DUSP22: variants seen among roughly 807,000 people sequenced by gnomAD.
The protein encoded by DUSP22 is dual specificity phosphatase 22.
DUSP22 carries 24 observed loss-of-function variants against 24.5 expected under a neutral mutation model. The observed-to-expected ratio is 0.98, with a 90% CI of 0.71 to 1.38. DUSP22 has a LOEUF of 1.38. Ranked by LOEUF, DUSP22 falls within the 40% of genes most tolerant of loss-of-function variation. The probability of loss-of-function intolerance (pLI) is 0.00; values close to 1 mark genes in which losing one functional copy is unlikely to be tolerated. For missense variants in DUSP22, 330 were observed against 269.2 expected (o/e 1.23, Z -1.58); for synonymous variants, 160 against 106.4 (o/e 1.50, Z -3.10).
intron 4 of DUSP22, chr6:337,141 A>T (rs1038722918): frequency 1.3e-5 from 2 of 152,590 alleles, no homozygotes; most frequent in African/African-American, 4.8e-5. Flanking sequence ...CTTGTCTGTG[A>T]CAGTGACCTG....
intron 4 of DUSP22, among the ~76,000 whole-genome samples, chr6:344,047 C>A (rs528676475): frequency 6.6e-6 from 1 of 152,424 alleles, no homozygotes; most frequent in East Asian, 1.9e-4. Flanking sequence ...ACCCACAAAC[C>A]AGTCCAGAAT....
chr6:307,555 G>A (rs1488149601), intron 2 of DUSP22, among the ~76,000 whole-genome samples: 2 of 152,312 alleles, frequency 1.3e-5, no homozygotes, highest in African/African-American at 4.8e-5. Context: ...GCTCCAGGAT[G>A]CAGCAGGCAG....
At chr6:295,402 T>G (rs577541153) in intron 1 of DUSP22, among the ~76,000 whole-genome samples, 1 of 152,408 alleles carries the variant, frequency 6.6e-6, no homozygotes, top group East Asian at 1.9e-4. Flanking sequence ...TGTGCCCGTT[T>G]CCGTTAGGTG....
intron 3 of DUSP22, among the ~76,000 whole-genome samples, chr6:316,537 A>G (rs534179720): frequency 6.6e-6 from 1 of 152,424 alleles, no homozygotes; most frequent in South Asian, 2.1e-4. Flanking sequence ...GGGCTGGTGA[A>G]AACTCCTATT....
chr6:300,475 A>G (rs530886065), intron 1 of DUSP22, among the ~76,000 whole-genome samples: 31 of 152,416 alleles, frequency 2.0e-4, no homozygotes, highest in African/African-American at 7.2e-4. Flanking sequence ...TAGGGAGCTC[A>G]CTAGGAAGCT....
At chr6:307,114 G>T (rs1011551829) in intron 2 of DUSP22, among the ~76,000 whole-genome samples, 1 of 152,298 alleles carries the variant, frequency 6.6e-6, no homozygotes, top group Non-Finnish European at 1.5e-5. Context: ...TTTCCTGGGC[G>T]GTGAATCCAG....
chr6:321,354 C>T (rs1758580011), intron 3 of DUSP22, among the ~76,000 whole-genome samples: 1 of 152,300 alleles, frequency 6.6e-6, no homozygotes, highest in African/African-American at 2.4e-5. Flanking sequence ...AGCAGAGACC[C>T]AGCAAAGATT....
chr6:308,344 G>A (rs571945435), intron 2 of DUSP22, among the ~76,000 whole-genome samples: 6 of 152,422 alleles, frequency 3.9e-5, no homozygotes, highest in South Asian at 4.1e-4. Flanking sequence ...GCTCATGATT[G>A]TAGGTCGCCT....
At chr6:298,781 A>C (rs1757451541) in intron 1 of DUSP22, among the ~76,000 whole-genome samples, 1 of 152,304 alleles carries the variant, frequency 6.6e-6, no homozygotes, top group Non-Finnish European at 1.5e-5. Context: ...CTGTTTCGTC[A>C]CCGTTTATTC....
chr6:292,507 C>G lies in DUSP22; in HGVS notation c.-33C>G, dbSNP rs1394568346. On this transcript the variant is annotated 5_prime_UTR_variant, in exon 1 of 7. Transcript: ENST00000419235. ...ATGCCATAGTGCGCCTGCGACCACA[C>G]GGCCGGGGCGCTAGCGTTCGCCTTC... The G allele has an allele frequency of 5.0e-6, 8 of 1,603,938 alleles. No individual in the cohort carries two copies. Among genetic ancestry groups the G allele is most frequent in the African/African-American group, 2.7e-5 (2 of 74,332 alleles).
intron 4 of DUSP22, among the ~76,000 whole-genome samples, chr6:345,002 T>A (rs1408586423): frequency 1.3e-5 from 2 of 152,292 alleles, no homozygotes; most frequent in Non-Finnish European, 2.9e-5. Context: ...GTCCAGAACT[T>A]CCCTCAACCC....
chr6:305,630 G>A (rs1342383737), intron 2 of DUSP22, among the ~76,000 whole-genome samples: 1 of 152,306 alleles, frequency 6.6e-6, no homozygotes, highest in Non-Finnish European at 1.5e-5. Flanking sequence ...GGTGGTCACT[G>A]GGCTTGTCGG....
intron 4 of DUSP22, among the ~76,000 whole-genome samples, chr6:344,248 A>C (rs970983637): frequency 6.6e-6 from 1 of 150,722 alleles, no homozygotes; most frequent in Non-Finnish European, 1.5e-5. Flanking sequence ...AGAAGAAGAA[A>C]GGATTAAGGC....
intron 4 of DUSP22, chr6:338,039 G>T (rs550166937): frequency 1.2e-4 from 18 of 152,626 alleles, no homozygotes; most frequent in African/African-American, 4.3e-4. Flanking sequence ...TAAGACTTCT[G>T]TTTCAGCTGA....
intron 1 of DUSP22, among the ~76,000 whole-genome samples, chr6:292,972 C>T (rs1408043802): frequency 6.6e-6 from 1 of 152,296 alleles, no homozygotes; most frequent in African/African-American, 2.4e-5. Flanking sequence ...AACGGGTGTC[C>T]TCTGTAATTT....
chr6:347,974 T>A, intron 5 of DUSP22, 129 bp from the exon 6 acceptor site: 1 of 1,383,706 alleles, frequency 7.2e-7, no homozygotes, highest in Non-Finnish European at 9.9e-7. Flanking sequence ...GAGCTTGCTG[T>A]CCACATATAA....
At chr6:346,429 G>GAC (rs10642379) in intron 5 of DUSP22, among the ~76,000 whole-genome samples, 6,270 of 151,256 alleles carry the variant, frequency 0.041, 6 homozygotes, top group East Asian at 0.072. Context: ...ATTTTGTGTA[G>GAC]ACACACACAC....
chr6:347,782 A>G (rs986007126), intron 5 of DUSP22, among the ~76,000 whole-genome samples: 3 of 152,422 alleles, frequency 2.0e-5, no homozygotes, highest in Non-Finnish European at 4.4e-5. Flanking sequence ...TACCTCAGTT[A>G]TGTCGTTTGT....
At position 350,175 on chromosome 6, in the gene DUSP22, T is replaced by A. The variant is rs945186108; in HGVS notation, c.*1224T>A. Reference sequence around the variant, plus strand: ...GTTGAAAATGTTCGGTCATGATTGCTTTTGAAACCAAAGGGGAAGGTACCG... The same window carrying A: ...GTTGAAAATGTTCGGTCATGATTGCATTTGAAACCAAAGGGGAAGGTACCG... On this transcript the variant is annotated 3_prime_UTR_variant, in exon 7 of 7. Transcript: ENST00000419235. 3.0e-6 allele frequency: 3 copies of A among 986,242 alleles called. No individual in the cohort carries two copies. Among genetic ancestry groups the A allele is most frequent in the Non-Finnish European group, 3.6e-6 (3 of 830,600 alleles). 61.1% of individuals were successfully genotyped at this position (986,242 alleles called of 1,614,324 possible). A position where few individuals can be genotyped will look rare whatever the true frequency, so the allele number is the denominator to read the frequency against.
Sources: gnomAD v4.1 joint callset for allele counts (sites outside exome capture counted in the v4.1 genomes callset) on GRCh38, gnomAD v4.1.1 for gene constraint, MANE v1.5 for transcripts, NCBI Gene and HGNC (gene_info 2026-07-23, HGNC 2026-07-21) for gene names.